Variants in NRG3 observed in about 807,000 individuals in gnomAD.
The protein encoded by NRG3 is neuregulin 3.
NRG3 carries 31 observed loss-of-function variants against 66.9 expected under a neutral mutation model. The ratio of observed to expected loss-of-function variants is 0.46; its 90% CI spans 0.35 to 0.63. The LOEUF is 0.63. Among genes scored for constraint, NRG3 ranks in the 20% least tolerant of loss-of-function variants. The pLI, the probability that NRG3 is intolerant of heterozygous loss-of-function variation, is 0.00. For synonymous variants in NRG3, 393 were observed against 359.4 expected, an observed-to-expected ratio of 1.09 and a Z score of -1.06; for missense variants, 910 against 878.9, an observed-to-expected ratio of 1.04 and a Z score of -0.45.
intron 1 of NRG3, among the ~76,000 whole-genome samples, chr10:82,065,803 G>A (rs1464856385): frequency 6.6e-6 from 1 of 152,104 alleles, no homozygotes; most frequent in East Asian, 1.9e-4. Context: ...GCAATAACCA[G>A]AAAAGATCCT....
intron 3 of NRG3, among the ~76,000 whole-genome samples, chr10:82,782,526 C>A (rs1326053437): frequency 6.6e-6 from 1 of 151,980 alleles, no homozygotes; most frequent in African/African-American, 2.4e-5. Context: ...AAACTAAGAC[C>A]AACAACTGAT....
chr10:82,860,724 G>A (rs2064079485), intron 3 of NRG3, among the ~76,000 whole-genome samples: 1 of 152,188 alleles, frequency 6.6e-6, no homozygotes, highest in African/African-American at 2.4e-5. Context: ...GTGTTAAAAG[G>A]AAGGAAGTTA....
At chr10:82,643,330 G>GCT (rs1040503453) in intron 2 of NRG3, among the ~76,000 whole-genome samples, 1 of 151,886 alleles carries the variant, frequency 6.6e-6, no homozygotes, top group Non-Finnish European at 1.5e-5. Flanking sequence ...CCCTGCAGAA[G>GCT]CTCTCTCTCT....
At chr10:82,492,519 A>T (rs913314561) in intron 2 of NRG3, among the ~76,000 whole-genome samples, 2 of 152,212 alleles carry the variant, frequency 1.3e-5, no homozygotes, top group African/African-American at 2.4e-5. Context: ...CAAAGTGGTT[A>T]TATGAATTTA....
intron 4 of NRG3, among the ~76,000 whole-genome samples, chr10:82,891,983 A>G (rs2483298): frequency 0.67 from 101,174 of 151,836 alleles, 33,789 homozygotes; most frequent in South Asian, 0.72. Context: ...AATTATAAAT[A>G]TATATTGTTT....
chr10:82,054,837 A>C (rs1313946330), intron 1 of NRG3, among the ~76,000 whole-genome samples: 1 of 145,916 alleles, frequency 6.9e-6, no homozygotes, highest in African/African-American at 2.5e-5. Flanking sequence ...GACACCCCAG[A>C]TCTATAAAAA....
chr10:82,701,684 C>T (rs1228990105), intron 2 of NRG3, among the ~76,000 whole-genome samples: 2 of 152,070 alleles, frequency 1.3e-5, no homozygotes, highest in Admixed American at 6.6e-5. Context: ...ATAGTAGTAG[C>T]GTTAATGTTA....
chr10:82,809,106 A>G (rs1591590691), intron 3 of NRG3, among the ~76,000 whole-genome samples: 2 of 152,188 alleles, frequency 1.3e-5, no homozygotes, highest in African/African-American at 4.8e-5. Flanking sequence ...CAACACATGC[A>G]CCATGCAAAG....
intron 2 of NRG3, among the ~76,000 whole-genome samples, chr10:82,627,458 T>C (rs1189462983): frequency 6.6e-6 from 1 of 152,016 alleles, no homozygotes; most frequent in Non-Finnish European, 1.5e-5. Context: ...TCAGCTTATA[T>C]TTTTGCTGTA....
chr10:82,079,108 G>A (rs915668498), intron 1 of NRG3, among the ~76,000 whole-genome samples: 1 of 150,974 alleles, frequency 6.6e-6, no homozygotes, highest in Admixed American at 6.6e-5. Flanking sequence ...ACTCTTTCGC[G>A]ATCTCGGCTC....
intron 2 of NRG3, among the ~76,000 whole-genome samples, chr10:82,731,335 C>T (rs2057890951): frequency 6.8e-6 from 1 of 147,700 alleles, no homozygotes; most frequent in African/African-American, 2.5e-5. Context: ...CCACTGCACT[C>T]CAGCCTGGGT....
intron 1 of NRG3, among the ~76,000 whole-genome samples, chr10:81,979,958 G>A (rs1295226096): frequency 6.6e-6 from 1 of 152,088 alleles, no homozygotes; most frequent in African/African-American, 2.4e-5. Flanking sequence ...GAAGACCACA[G>A]GTAAACATAG....
intron 2 of NRG3, among the ~76,000 whole-genome samples, chr10:82,445,871 A>C (rs1017729320): frequency 3.3e-5 from 5 of 152,218 alleles, no homozygotes; most frequent in Non-Finnish European, 7.3e-5. Context: ...CTGAGTGCAG[A>C]ACCAGTTTAT....
intron 1 of NRG3, among the ~76,000 whole-genome samples, chr10:81,994,055 T>G (rs1436212062): frequency 6.6e-6 from 1 of 152,218 alleles, no homozygotes. Flanking sequence ...ATGTAATTGC[T>G]GGGTCAAAGA....
intron 4 of NRG3, among the ~76,000 whole-genome samples, chr10:82,911,482 C>T (rs906526353): frequency 6.6e-5 from 10 of 151,666 alleles, no homozygotes; most frequent in Non-Finnish European, 1.0e-4. Flanking sequence ...TAGATTATGT[C>T]TTTTAAGGCA....
chr10:82,936,704 G>A (rs1419808249), intron 4 of NRG3, among the ~76,000 whole-genome samples: 2 of 151,880 alleles, frequency 1.3e-5, no homozygotes, highest in Non-Finnish European at 2.9e-5. Context: ...TCAAAACATT[G>A]TACACAATAA....
chr10:82,426,597 AATTATTATTATTATT>A (rs142603787), intron 2 of NRG3, among the ~76,000 whole-genome samples: 16,780 of 132,498 alleles, frequency 0.13, 1,652 homozygotes, highest in African/African-American at 0.27. Flanking sequence ...TCCTCAATGG[AATTATTATTATTATT>A]ATTATTATTA....
intron 4 of NRG3, among the ~76,000 whole-genome samples, chr10:82,908,786 A>C (rs1845013545): frequency 6.6e-6 from 1 of 152,264 alleles, no homozygotes; most frequent in South Asian, 2.1e-4. Flanking sequence ...CTCTCTGTTC[A>C]CAATGAGATA....
intron 8 of NRG3, among the ~76,000 whole-genome samples, chr10:82,981,829 G>A (rs1483617992): frequency 6.6e-6 from 1 of 152,116 alleles, no homozygotes; most frequent in Admixed American, 6.6e-5. Context: ...GTATTCATAT[G>A]CCAGACAAAA....
Sources: allele counts gnomAD v4.1 joint callset (sites outside exome capture counted in the v4.1 genomes callset), GRCh38; gene constraint gnomAD v4.1.1; transcripts MANE v1.5; gene names NCBI Gene and HGNC (gene_info 2026-07-23, HGNC 2026-07-21).